Variants in FUT8 observed in about 807,000 individuals in gnomAD.
The protein encoded by FUT8 is fucosyltransferase 8, also known as alpha-(1,6)-fucosyltransferase.
Under a neutral mutation model 71.3 loss-of-function variants are expected in FUT8, and 29 were observed. The ratio of observed to expected loss-of-function variants is 0.41; its 90% CI spans 0.30 to 0.55. The LOEUF (loss-of-function observed/expected upper bound fraction) is 0.55, where lower values mean the gene tolerates loss of function less well. Ranked by LOEUF, FUT8 falls within the 20% of genes least tolerant of loss-of-function variation. FUT8 has a pLI of 0.34. For synonymous variants in FUT8, 254 were observed against 239.3 expected (o/e 1.06, Z -0.57); for missense variants, 544 against 702.1 (o/e 0.77, Z 2.55).
intron 2 of FUT8, among the ~76,000 whole-genome samples, chr14:65,481,830 C>A (rs1157210605): frequency 6.6e-6 from 1 of 151,874 alleles, no homozygotes; most frequent in Non-Finnish European, 1.5e-5. Context: ...TGTTTGTTTT[C>A]TTATTATTGA....
chr14:65,422,441 A>G (rs2065312849), intron 1 of FUT8, among the ~76,000 whole-genome samples: 1 of 152,076 alleles, frequency 6.6e-6, no homozygotes, highest in African/African-American at 2.4e-5. Flanking sequence ...ATTGTTTTCC[A>G]GAATAGGGCA....
chr14:65,532,140 A>G (rs1884000095), intron 2 of FUT8, among the ~76,000 whole-genome samples: 1 of 152,206 alleles, frequency 6.6e-6, no homozygotes, highest in Non-Finnish European at 1.5e-5. Context: ...TATACCCAGT[A>G]ATGGGATTCC....
intron 6 of FUT8, among the ~76,000 whole-genome samples, chr14:65,644,552 G>A (rs1324046434): frequency 1.3e-5 from 2 of 151,576 alleles, no homozygotes; most frequent in African/African-American, 2.4e-5. Context: ...TAGTAGAGAC[G>A]GGGTTTCACC....
intron 9 of FUT8, among the ~76,000 whole-genome samples, chr14:65,729,045 T>G (rs529640017): frequency 6.7e-6 from 1 of 149,040 alleles, no homozygotes; most frequent in South Asian, 2.2e-4. Context: ...TTTTTTTTTT[T>G]TTTTTTTTTT....
intron 1 of FUT8, among the ~76,000 whole-genome samples, chr14:65,430,691 G>T (rs186091262): frequency 1.1e-3 from 172 of 152,244 alleles, no homozygotes; most frequent in African/African-American, 3.8e-3. Context: ...GAGCATGAGA[G>T]CAAGACTAGA....
chr14:65,412,304 A>T, upstream of FUT8: 1 of 456,714 alleles, frequency 2.2e-6, no homozygotes. Context: ...CCCTAAAAGT[A>T]GCAAGGAGCC....
At chr14:65,564,098 C>A (rs1282774221) in intron 3 of FUT8, among the ~76,000 whole-genome samples, 1 of 151,954 alleles carries the variant, frequency 6.6e-6, no homozygotes, top group Non-Finnish European at 1.5e-5. Flanking sequence ...AAAGGGATGT[C>A]GTTTTAGAGC....
rs1313466642 is a variant in FUT8 at position 65,530,440 on chromosome 14, CT to C, written c.-227-30896del. On this transcript the variant is annotated intron_variant, in intron 2 of 10. Transcript: ENST00000673929. ...AGGGTAATTCTCGATCCTATTACTG[CT>C]GCATGGGTGAAGGTAGAGGTCTCCT... Among the ~76,000 whole-genome samples the C allele has an allele frequency of 3.9e-5, 6 of 152,130 alleles. No individual in the cohort carries two copies. In the East Asian group the frequency reaches 1.2e-3, roughly 29 times the overall value.
intron 3 of FUT8, among the ~76,000 whole-genome samples, chr14:65,590,392 C>T (rs1887625365): frequency 6.6e-6 from 1 of 152,132 alleles, no homozygotes. Flanking sequence ...ATGCTGAAAT[C>T]CAAACATCTT....
intron 2 of FUT8, among the ~76,000 whole-genome samples, chr14:65,522,154 C>A (rs1177835017): frequency 6.6e-6 from 1 of 152,130 alleles, no homozygotes; most frequent in Non-Finnish European, 1.5e-5. Context: ...GGAAGAACTC[C>A]TTGCATCTAG....
chr14:65,539,098 C>CA (rs1411901805), intron 2 of FUT8, among the ~76,000 whole-genome samples: 2 of 152,136 alleles, frequency 1.3e-5, no homozygotes, highest in Non-Finnish European at 2.9e-5. Flanking sequence ...TGAGAAAACT[C>CA]ACATCGATAC....
chr14:65,392,297 A>G, the FUT8 span, among the ~76,000 whole-genome samples: 10 of 152,372 alleles, frequency 6.6e-5, no homozygotes, highest in African/African-American at 2.4e-4. Flanking sequence ...ACTTCTAGAC[A>G]TAACCTGTGT....
chr14:65,392,784 T>C, the FUT8 span, among the ~76,000 whole-genome samples: 1 of 152,176 alleles, frequency 6.6e-6, no homozygotes, highest in Non-Finnish European at 1.5e-5. Context: ...TCCTCTAATC[T>C]GAGCAAAAGA....
At chr14:65,730,206 A>G (rs1426649601) in intron 9 of FUT8, among the ~76,000 whole-genome samples, 2 of 152,240 alleles carry the variant, frequency 1.3e-5, no homozygotes, top group Non-Finnish European at 2.9e-5. Context: ...TAAATGATGT[A>G]TAGTGTTCAC....
intron 2 of FUT8, among the ~76,000 whole-genome samples, chr14:65,524,315 A>T (rs1244818712): frequency 1.3e-5 from 2 of 151,960 alleles, no homozygotes; most frequent in East Asian, 1.9e-4. Context: ...ATTCCTAGGT[A>T]TTTTATTCTC....
At chr14:65,681,636 GTA>G (rs1313896868) in intron 7 of FUT8, among the ~76,000 whole-genome samples, 1 of 152,110 alleles carries the variant, frequency 6.6e-6, no homozygotes. Context: ...AATCTCAGTT[GTA>G]TGTGTGTATG....
intron 3 of FUT8, among the ~76,000 whole-genome samples, chr14:65,577,008 C>T (rs75313139): frequency 0.02 from 3,056 of 151,618 alleles, 172 homozygotes; most frequent in East Asian, 0.17. Flanking sequence ...TGGCCTATGC[C>T]CAGCTAATTA....
upstream of FUT8, chr14:65,411,613 C>T (rs2065124362): frequency 5.6e-6 from 1 of 178,310 alleles, no homozygotes; most frequent in Admixed American, 5.4e-5. Flanking sequence ...AAAAGGCCGC[C>T]GCTACTTGCT....
intron 6 of FUT8, among the ~76,000 whole-genome samples, chr14:65,639,509 GACACACACAC>G (rs10559310): frequency 1.5e-4 from 22 of 148,230 alleles, no homozygotes; most frequent in Admixed American, 3.4e-4. Context: ...TTCAAATCCA[GACACACACAC>G]ACACACACAC....
Sources: allele counts gnomAD v4.1 joint callset (sites outside exome capture counted in the v4.1 genomes callset), GRCh38; gene constraint gnomAD v4.1.1; transcripts MANE v1.5; gene names NCBI Gene and HGNC (gene_info 2026-07-23, HGNC 2026-07-21).